SOX5: variants seen among roughly 807,000 people sequenced by gnomAD.
SOX5 encodes the protein transcription factor SOX-5.
A neutral mutation model predicts 92.0 loss-of-function variants in SOX5; 9 were observed. The ratio of observed to expected loss-of-function variants is 0.10; its 90% confidence interval spans 0.06 to 0.17. The LOEUF (loss-of-function observed/expected upper bound fraction) is 0.17. Ranked by LOEUF, SOX5 falls within the 10% of genes least tolerant of loss-of-function variation. The pLI is 1.00. For synonymous variants in SOX5, 344 were observed against 336.3 expected (o/e 1.02, Z -0.25); for missense variants, 642 against 944.5 (o/e 0.68, Z 4.20).
intron 3 of SOX5, among the ~76,000 whole-genome samples, chr12:23,803,364 C>A (rs964602512): frequency 2.0e-5 from 3 of 152,178 alleles, no homozygotes; most frequent in Admixed American, 2.0e-4. Flanking sequence ...TTTCACAAGT[C>A]ATTTTGCATC....
intron 2 of SOX5, among the ~76,000 whole-genome samples, chr12:23,853,159 G>T (rs778170974): frequency 5.3e-5 from 8 of 149,558 alleles, no homozygotes; most frequent in Non-Finnish European, 8.9e-5. Flanking sequence ...TATTGTAAAA[G>T]AATGACTTTG....
intron 3 of SOX5, among the ~76,000 whole-genome samples, chr12:23,806,100 T>C (rs1415077416): frequency 6.6e-6 from 1 of 152,160 alleles, no homozygotes; most frequent in Non-Finnish European, 1.5e-5. Flanking sequence ...TCCTCTCAAT[T>C]CTCTTTCTGC....
intron 2 of SOX5, among the ~76,000 whole-genome samples, chr12:24,364,223 A>T (rs529411473): frequency 2.0e-5 from 3 of 152,232 alleles, no homozygotes; most frequent in African/African-American, 7.2e-5. Flanking sequence ...GGGGTTCTCA[A>T]TGAAACTCAT....
chr12:23,893,843 G>T (rs901682465), intron 2 of SOX5, among the ~76,000 whole-genome samples: 19 of 152,180 alleles, frequency 1.2e-4, no homozygotes, highest in African/African-American at 4.6e-4. Flanking sequence ...AAGATAAAAA[G>T]TTTCATCATT....
intron 1 of SOX5, among the ~76,000 whole-genome samples, chr12:24,384,515 A>G (rs1227010080): frequency 1.3e-5 from 2 of 152,250 alleles, no homozygotes; most frequent in African/African-American, 4.8e-5. Context: ...TGCTTCCTTT[A>G]AAAAGTGAAA....
intron 4 of SOX5, among the ~76,000 whole-genome samples, chr12:24,136,824 C>G (rs558665954): frequency 6.6e-6 from 1 of 152,326 alleles, no homozygotes; most frequent in African/African-American, 2.4e-5. Context: ...TTTGTTTTTG[C>G]TTTTGTTTCT....
intron 3 of SOX5, among the ~76,000 whole-genome samples, chr12:24,216,641 G>A (rs1026114235): frequency 6.6e-6 from 1 of 152,082 alleles, no homozygotes; most frequent in African/African-American, 2.4e-5. Context: ...ATGGACATGA[G>A]CTCGGGTGCG....
chr12:24,390,260 T>C (rs571210124), intron 1 of SOX5, among the ~76,000 whole-genome samples: 6 of 152,274 alleles, frequency 3.9e-5, no homozygotes, highest in Non-Finnish European at 5.9e-5. Context: ...TACTGGGTGA[T>C]TATCTCATTG....
At chr12:23,744,229 A>G (rs372542196) in intron 4 of SOX5, among the ~76,000 whole-genome samples, 77 of 152,262 alleles carry the variant, frequency 5.1e-4, no homozygotes, top group African/African-American at 1.8e-3. Context: ...TTGAACTAAC[A>G]TGCTTCAAAC....
At chr12:24,453,189 T>C (rs1275853300) in intron 1 of SOX5, among the ~76,000 whole-genome samples, 1 of 152,128 alleles carries the variant, frequency 6.6e-6, no homozygotes, top group African/African-American at 2.4e-5. Context: ...TTTCAGGAAA[T>C]ACATGGTTAA....
At chr12:24,141,801 C>T (rs1346851820) in intron 4 of SOX5, among the ~76,000 whole-genome samples, 1 of 152,246 alleles carries the variant, frequency 6.6e-6, no homozygotes, top group East Asian at 1.9e-4. Context: ...GTTAATAGGG[C>T]CTGAAATGTG....
At chr12:24,530,509 C>A (rs1951096442) in intron 1 of SOX5, among the ~76,000 whole-genome samples, 1 of 152,040 alleles carries the variant, frequency 6.6e-6, no homozygotes, top group South Asian at 2.1e-4. Context: ...AAAATTTAGC[C>A]AGCTGTGCTG....
In SOX5 at chr12:23,610,058, G is replaced by GA. The variant is rs368716798; in HGVS notation, c.1018-5526dup. Among the ~76,000 whole-genome samples the GA allele has an allele frequency of 7.6e-4, 115 of 151,608 alleles. 1 individual carries two copies. Among genetic ancestry groups the GA allele is most frequent in the East Asian group, 3.3e-3 (17 of 5,164 alleles). On this transcript the variant is annotated intron_variant, in intron 8 of 14. Coordinates refer to ENST00000451604, the MANE Select transcript of SOX5 (RefSeq NM_006940.6). ...TACTAATTAATTGTTGCTATTTTGG[G>GA]AAAAAAAATAGTATAATTGTATTTG... is the stretch of plus-strand genomic sequence containing the variant.
intron 4 of SOX5, among the ~76,000 whole-genome samples, chr12:24,200,531 C>T (rs1455947616): frequency 2.0e-5 from 3 of 151,562 alleles, no homozygotes; most frequent in South Asian, 2.1e-4. Flanking sequence ...CGTGAAAACA[C>T]GCACACTCAT....
intron 6 of SOX5, among the ~76,000 whole-genome samples, chr12:23,715,039 T>TA (rs993510432): frequency 7.9e-5 from 12 of 151,954 alleles, no homozygotes; most frequent in African/African-American, 2.7e-4. Flanking sequence ...TCCTATGTTT[T>TA]AAAAAAATGC....
At chr12:23,767,208 A>G (rs2094761600) in intron 3 of SOX5, among the ~76,000 whole-genome samples, 1 of 125,586 alleles carries the variant, frequency 8.0e-6, no homozygotes, top group Non-Finnish European at 1.6e-5. Context: ...TGTCTCAAAA[A>G]AACAGAAACA....
intron 6 of SOX5, among the ~76,000 whole-genome samples, chr12:23,717,918 C>T (rs1593610266): frequency 1.3e-5 from 2 of 152,196 alleles, no homozygotes; most frequent in South Asian, 4.1e-4. Flanking sequence ...CATGTATTTT[C>T]TTGATGAGAT....
chr12:24,097,782 G>A (rs1945605988), intron 4 of SOX5, among the ~76,000 whole-genome samples: 1 of 152,056 alleles, frequency 6.6e-6, no homozygotes, highest in Admixed American at 6.6e-5. Flanking sequence ...CTTCAAGCAA[G>A]GTGTCAACTT....
chr12:23,866,719 C>T (rs2096818859), intron 2 of SOX5, among the ~76,000 whole-genome samples: 1 of 152,110 alleles, frequency 6.6e-6, no homozygotes, highest in Non-Finnish European at 1.5e-5. Context: ...GATGGCCTAC[C>T]GTCTACTGGT....
Sources: gnomAD v4.1 joint callset for allele counts (sites outside exome capture counted in the v4.1 genomes callset) on GRCh38, gnomAD v4.1.1 for gene constraint, MANE v1.5 for transcripts, NCBI Gene and HGNC (gene_info 2026-07-23, HGNC 2026-07-21) for gene names.